The following SNTG2 variants were observed in gnomAD, a reference collection of about 807,000 sequenced individuals.
SNTG2 encodes gamma-2-syntrophin.
Under a neutral mutation model 70.9 loss-of-function variants are expected in SNTG2, and 74 were observed. That is an observed-to-expected ratio of 1.04 (90% CI 0.86 to 1.27). The LOEUF is 1.27. Ranked by LOEUF, SNTG2 falls within the 50% of genes most tolerant of loss-of-function variation. SNTG2 has a pLI of 0.00. For synonymous variants in SNTG2, 278 were observed against 273.8 expected, an observed-to-expected ratio of 1.02 and a Z score of -0.15; for missense variants, 717 against 690.7, an observed-to-expected ratio of 1.04 and a Z score of -0.43.
chr2:1,322,661 C>T (rs1397814141), intron 16 of SNTG2, among the ~76,000 whole-genome samples: 1 of 152,080 alleles, frequency 6.6e-6, no homozygotes, highest in Non-Finnish European at 1.5e-5. Flanking sequence ...CCCCCTCCTT[C>T]TACCCTTCTG....
At chr2:1,238,427 T>C (rs1676828252) in intron 10 of SNTG2, among the ~76,000 whole-genome samples, 1 of 152,192 alleles carries the variant, frequency 6.6e-6, no homozygotes, top group Admixed American at 6.5e-5. Flanking sequence ...CTCCCAAACA[T>C]TATGAAGATT....
At chr2:1,345,195 CT>C in intron 16 of SNTG2, among the ~76,000 whole-genome samples, 1 of 694 alleles carries the variant, frequency 1.4e-3, no homozygotes, top group African/African-American at 0.014. Flanking sequence ...TGGACTCGCA[CT>C]TTTCCCCCTG....
At chr2:991,666 C>T (rs1388182932) in intron 1 of SNTG2, among the ~76,000 whole-genome samples, 1 of 152,132 alleles carries the variant, frequency 6.6e-6, no homozygotes, top group African/African-American at 2.4e-5. Flanking sequence ...ACAACACTGT[C>T]CGCAGTAATG....
chr2:1,044,252 T>A (rs192197096), intron 1 of SNTG2, among the ~76,000 whole-genome samples: 1 of 152,284 alleles, frequency 6.6e-6, no homozygotes, highest in East Asian at 1.9e-4. Context: ...GCACATTGAT[T>A]TTGTATTCTG....
At chr2:1,014,598 A>G (rs1408540415) in intron 1 of SNTG2, among the ~76,000 whole-genome samples, 1 of 104,142 alleles carries the variant, frequency 9.6e-6, no homozygotes, top group Non-Finnish European at 2.2e-5. Flanking sequence ...GGCAGAGAGA[A>G]GGGTGGTCTG....
chr2:1,124,139 ATG>A (rs1003387295), intron 4 of SNTG2, among the ~76,000 whole-genome samples: 9 of 40,064 alleles, frequency 2.2e-4, no homozygotes, highest in African/African-American at 1.5e-3. Flanking sequence ...TTATAAAAAC[ATG>A]TGAAGTATTT....
intron 1 of SNTG2, among the ~76,000 whole-genome samples, chr2:1,063,113 C>T (rs1201842560): frequency 6.6e-6 from 1 of 152,200 alleles, no homozygotes; most frequent in Non-Finnish European, 1.5e-5. Flanking sequence ...CATGACTACA[C>T]ATAGATAAAC....
rs117249135 is a variant in SNTG2, at chr2:1,146,046, C to T, written c.411+8237C>T. Among the ~76,000 whole-genome samples, 21 of 152,084 alleles carry T rather than the reference C, an allele frequency of 1.4e-4. 1 individual carries two copies. In the East Asian group the frequency reaches 4.1e-3, roughly 29 times the overall value. ...CAGTAAGCTAACAGTAGAGAAGGAC[C>T]TCCTTAACTCGATAAAGATTAACTG... On this transcript the variant is annotated intron_variant, in intron 6 of 16. Coordinates refer to ENST00000308624, the MANE Select transcript of SNTG2 (RefSeq NM_018968.4).
chr2:1,083,415 G>T lies in SNTG2; in HGVS notation c.73-103G>T, dbSNP rs887385105. On this transcript the variant is annotated intron_variant, in intron 1 of 16. Transcript: ENST00000308624. ...ATCTGTGCACACGCGAGCACTACAC[G>T]TGCATTTTAGGATTGTCTTGAGCAG... The T allele has an allele frequency of 9.9e-6, 12 of 1,215,380 alleles. No homozygotes were observed. The Admixed American group carries it at 1.4e-4, about 15-fold the overall frequency. 75.3% of individuals were successfully genotyped at this position (1,215,380 alleles called of 1,614,324 possible). A position where few individuals can be genotyped will look rare whatever the true frequency, so the allele number is the denominator to read the frequency against.
At chr2:1,061,778 A>C (rs1425816186) in intron 1 of SNTG2, among the ~76,000 whole-genome samples, 2 of 152,130 alleles carry the variant, frequency 1.3e-5, no homozygotes, top group African/African-American at 2.4e-5. Flanking sequence ...CTTAGGTAAA[A>C]TCTTAAAACC....
At chr2:1,130,828 G>A (rs908807327) in intron 4 of SNTG2, among the ~76,000 whole-genome samples, 1 of 152,170 alleles carries the variant, frequency 6.6e-6, no homozygotes, top group African/African-American at 2.4e-5. Flanking sequence ...ACTCTGCAGA[G>A]GTAAAGAAAG....
At chr2:1,349,274 A>T (rs1385928074) in intron 16 of SNTG2, among the ~76,000 whole-genome samples, 2 of 152,202 alleles carry the variant, frequency 1.3e-5, no homozygotes, top group Admixed American at 1.3e-4. Context: ...ACTATCTCAA[A>T]CACCAGTCTT....
At chr2:1,319,164 A>T (rs891934149) in intron 16 of SNTG2, among the ~76,000 whole-genome samples, 2 of 152,182 alleles carry the variant, frequency 1.3e-5, no homozygotes, top group African/African-American at 4.8e-5. Flanking sequence ...GAGAGGCTTG[A>T]AATATGTTAG....
chr2:1,222,463 A>T (rs1675323984), intron 9 of SNTG2, among the ~76,000 whole-genome samples: 1 of 142,690 alleles, frequency 7.0e-6, no homozygotes, highest in Non-Finnish European at 1.5e-5. Context: ...CTTAAGCTGG[A>T]GGTGCTGGAT....
intron 6 of SNTG2, among the ~76,000 whole-genome samples, chr2:1,161,880 C>A (rs980544168): frequency 2.6e-5 from 4 of 152,032 alleles, no homozygotes; most frequent in African/African-American, 9.7e-5. Context: ...CGAGACCATC[C>A]TGGCTAACAC....
rs183931437 is a variant in SNTG2, at chr2:1,159,605, G to A, written c.412-5943G>A. Among the ~76,000 whole-genome samples the A allele has an allele frequency of 1.4e-3, 212 of 152,264 alleles. 1 individual carries two copies. The highest frequency in any genetic ancestry group is 0.01 in the Middle Eastern group (3 of 294). Reference sequence around the variant, plus strand: ...GGGCTTAAGGGAAGACTGGTAATTTGTAGATATGTTTATTAGAAAACAAGA... The same window carrying A: ...GGGCTTAAGGGAAGACTGGTAATTTATAGATATGTTTATTAGAAAACAAGA... On this transcript the variant is annotated intron_variant, in intron 6 of 16. Transcript: ENST00000308624.
At chr2:1,135,024 C>T (rs1371625850) in intron 4 of SNTG2, among the ~76,000 whole-genome samples, 1 of 152,174 alleles carries the variant, frequency 6.6e-6, no homozygotes, top group Non-Finnish European at 1.5e-5. Flanking sequence ...TCTCATTAAA[C>T]CCCAGGCCCT....
intron 14 of SNTG2, among the ~76,000 whole-genome samples, chr2:1,307,331 T>A (rs1401870810): frequency 2.0e-5 from 3 of 150,664 alleles, no homozygotes; most frequent in Non-Finnish European, 4.4e-5. Flanking sequence ...TGTGTGTGTG[T>A]GTGTGGTGTA....
intron 16 of SNTG2, among the ~76,000 whole-genome samples, chr2:1,329,751 C>A (rs1490784509): frequency 1.3e-5 from 2 of 152,140 alleles, no homozygotes; most frequent in African/African-American, 2.4e-5. Context: ...GTGCTGTACG[C>A]ATCGTGTGGG....
Sources: gnomAD v4.1 joint callset for allele counts (sites outside exome capture counted in the v4.1 genomes callset) on GRCh38, gnomAD v4.1.1 for gene constraint, MANE v1.5 for transcripts, NCBI Gene and HGNC (gene_info 2026-07-23, HGNC 2026-07-21) for gene names.